SLCO3A1: variants seen among roughly 807,000 people sequenced by gnomAD.
SLCO3A1 encodes solute carrier organic anion transporter family member 3A1.
A neutral mutation model predicts 63.1 loss-of-function variants in SLCO3A1; 27 were observed. The ratio of observed to expected loss-of-function variants is 0.43; its 90% CI spans 0.32 to 0.59. The LOEUF is 0.59. Among genes scored for constraint, SLCO3A1 ranks in the 20% least tolerant of loss-of-function variants. The pLI is 0.09. For missense variants in SLCO3A1, 773 were observed against 945.8 expected (o/e 0.82, Z 2.40); for synonymous variants, 473 against 409.9 (o/e 1.15, Z -1.86).
At chr15:92,062,259 G>T (rs759065930) in intron 2 of SLCO3A1, among the ~76,000 whole-genome samples, 13 of 152,230 alleles carry the variant, frequency 8.5e-5, no homozygotes, top group Non-Finnish European at 1.6e-4. Flanking sequence ...GTAAGTGGCA[G>T]TTTTATGGAG....
chr15:92,035,336 TC>T (rs1352908401), intron 2 of SLCO3A1, among the ~76,000 whole-genome samples: 1 of 151,870 alleles, frequency 6.6e-6, no homozygotes, highest in African/African-American at 2.4e-5. Flanking sequence ...TTTTGCTTTT[TC>T]CTTCGTCCAA....
intron 2 of SLCO3A1, among the ~76,000 whole-genome samples, chr15:92,030,429 A>C (rs1000917301): frequency 3.3e-5 from 5 of 152,200 alleles, no homozygotes; most frequent in African/African-American, 9.6e-5. Flanking sequence ...ACAGGCCTGT[A>C]TGATTATATT....
chr15:91,938,974 G>C (rs1341171929), intron 2 of SLCO3A1, among the ~76,000 whole-genome samples: 1 of 152,200 alleles, frequency 6.6e-6, no homozygotes, highest in Non-Finnish European at 1.5e-5. Context: ...CCCCCTCTGG[G>C]CTCATCTGGG....
intron 2 of SLCO3A1, among the ~76,000 whole-genome samples, chr15:92,002,390 C>T (rs73532478): frequency 0.016 from 2,410 of 152,250 alleles, 71 homozygotes; most frequent in African/African-American, 0.055. Flanking sequence ...TCATTCAGGA[C>T]CTGTCTGGAC....
At position 91,865,773 on chromosome 15, in the gene SLCO3A1, A is replaced by G. The variant is rs958736881; in HGVS notation, c.180+11685A>G. Among the ~76,000 whole-genome samples the G allele has an allele frequency of 1.3e-5, 2 of 152,252 alleles. No individual in the cohort carries two copies. The highest frequency in any genetic ancestry group is 4.8e-5 in the African/African-American group (2 of 41,474). ...CTCATGTGACTAGCTTACATCTGCT[A>G]AGTCCTCGTTTCCAAATTAGGTCAC... On this transcript the variant is annotated intron_variant, in intron 1 of 9. Transcript: ENST00000318445. The surrounding 1 kb of genome is among the most constrained non-coding windows in gnomAD (Gnocchi z 4.6).
At chr15:92,001,709 G>T (rs1213332604) in intron 2 of SLCO3A1, among the ~76,000 whole-genome samples, 1 of 151,976 alleles carries the variant, frequency 6.6e-6, no homozygotes, top group Non-Finnish European at 1.5e-5. Context: ...TGTTAAAGTG[G>T]TCATGTATTA....
At chr15:92,058,748 C>T (rs1040674792) in intron 2 of SLCO3A1, among the ~76,000 whole-genome samples, 49 of 152,122 alleles carry the variant, frequency 3.2e-4, no homozygotes, top group African/African-American at 1.0e-3. Context: ...CAGAACTCCA[C>T]GATCAAGGTG....
chr15:91,944,987 C>G (rs1899754757), intron 2 of SLCO3A1, among the ~76,000 whole-genome samples: 1 of 152,174 alleles, frequency 6.6e-6, no homozygotes, highest in African/African-American at 2.4e-5. Flanking sequence ...ATTGAATTGT[C>G]TTTGAACAGT....
intron 2 of SLCO3A1, among the ~76,000 whole-genome samples, chr15:91,919,939 A>C (rs1243643744): frequency 2.0e-5 from 3 of 152,196 alleles, no homozygotes; most frequent in Non-Finnish European, 2.9e-5. Context: ...CTGCATTAGC[A>C]TGCTTTTCTA....
intron 2 of SLCO3A1, among the ~76,000 whole-genome samples, chr15:92,018,670 C>T (rs1156455729): frequency 6.6e-6 from 1 of 152,194 alleles, no homozygotes; most frequent in African/African-American, 2.4e-5. Flanking sequence ...GGACTGGCGT[C>T]CGTCGGGCCA....
At chr15:91,939,937 TG>T (rs1399822518) in intron 2 of SLCO3A1, among the ~76,000 whole-genome samples, 6 of 152,274 alleles carry the variant, frequency 3.9e-5, no homozygotes, top group Admixed American at 3.9e-4. Flanking sequence ...GTCACTTGCC[TG>T]GGGTCACATA....
At chr15:91,943,385 G>C (rs1206471581) in intron 2 of SLCO3A1, among the ~76,000 whole-genome samples, 1 of 152,122 alleles carries the variant, frequency 6.6e-6, no homozygotes, top group Non-Finnish European at 1.5e-5. Context: ...TGTCCTCAAG[G>C]TTCATCCAAG....
At chr15:91,913,716 A>C (rs1272377903) in intron 1 of SLCO3A1, among the ~76,000 whole-genome samples, 1 of 152,200 alleles carries the variant, frequency 6.6e-6, no homozygotes, top group Non-Finnish European at 1.5e-5. Context: ...AGATGCATGG[A>C]CGTTTACAAC....
chr15:91,891,868 C>A (rs1163265502), intron 1 of SLCO3A1, among the ~76,000 whole-genome samples: 3 of 152,218 alleles, frequency 2.0e-5, no homozygotes, highest in Admixed American at 2.0e-4. Flanking sequence ...CTCTGTTGCT[C>A]TCTCACAACT....
chr15:91,965,970 A>G (rs9920069), intron 2 of SLCO3A1, among the ~76,000 whole-genome samples: 56,057 of 151,924 alleles, frequency 0.37, 10,566 homozygotes, highest in Non-Finnish European at 0.4. Context: ...AGCTTTCTGA[A>G]TTCGGTGTCA....
chr15:91,969,676 A>G (rs553992324), intron 2 of SLCO3A1, among the ~76,000 whole-genome samples: 22 of 152,302 alleles, frequency 1.4e-4, no homozygotes, highest in African/African-American at 5.1e-4. Context: ...CATAACACTC[A>G]TAAGACTCCA....
At chr15:92,143,516 C>A (rs1407103324) in intron 7 of SLCO3A1, among the ~76,000 whole-genome samples, 1 of 90,200 alleles carries the variant, frequency 1.1e-5, no homozygotes, top group East Asian at 3.0e-4. Flanking sequence ...CACTTGTGAG[C>A]CAAGCCCTGT....
intron 2 of SLCO3A1, among the ~76,000 whole-genome samples, chr15:92,021,685 A>C (rs1431374882): frequency 6.6e-6 from 1 of 152,212 alleles, no homozygotes; most frequent in African/African-American, 2.4e-5. Flanking sequence ...CTAAGCATTA[A>C]GGTCACAAAA....
Position 92,126,279 on chromosome 15 carries a change from G to A in SLCO3A1, c.1373+20G>A, listed in dbSNP as rs763363758. On this transcript the variant is annotated intron_variant, in intron 6 of 9. Coordinates refer to ENST00000318445, the MANE Select transcript of SLCO3A1 (RefSeq NM_013272.4). ...AAACAGGTGAGTACTGGCAGTGTCTGCCGCCTTCCTGCCTGTTCAGGGACC... is the reference window on the plus strand; with the variant it reads ...AAACAGGTGAGTACTGGCAGTGTCTACCGCCTTCCTGCCTGTTCAGGGACC... The A allele has an allele frequency of 1.9e-6, 3 of 1,606,974 alleles. No individual in the cohort carries two copies. The highest frequency in any genetic ancestry group is 1.7e-6 in the Non-Finnish European group (2 of 1,173,628).
Sources: allele counts gnomAD v4.1 joint callset (sites outside exome capture counted in the v4.1 genomes callset), GRCh38; gene constraint gnomAD v4.1.1; non-coding constraint Gnocchi (gnomAD v3.1); transcripts MANE v1.5; gene names NCBI Gene and HGNC (gene_info 2026-07-23, HGNC 2026-07-21).